The following TMEM132D variants were observed in gnomAD, a reference collection of about 807,000 sequenced individuals.
TMEM132D encodes the protein mature OL transmembrane protein.
Under a neutral mutation model 62.3 loss-of-function variants are expected in TMEM132D, and 21 were observed. The observed-to-expected ratio is 0.34, with a 90% CI of 0.24 to 0.49. The LOEUF (loss-of-function observed/expected upper bound fraction) is 0.49. Among genes scored for constraint, TMEM132D ranks in the 20% least tolerant of loss-of-function variants. The probability of loss-of-function intolerance (pLI) is 0.99; values close to 1 mark genes in which losing one functional copy is unlikely to be tolerated. For synonymous variants in TMEM132D, 621 were observed against 575.6 expected, an observed-to-expected ratio of 1.08 and a Z score of -1.13; for missense variants, 1,346 against 1,402.8, an observed-to-expected ratio of 0.96 and a Z score of 0.65.
intron 5 of TMEM132D, among the ~76,000 whole-genome samples, chr12:129,127,893 C>T (rs906699407): frequency 3.9e-5 from 6 of 152,264 alleles, no homozygotes; most frequent in Non-Finnish European, 8.8e-5. Flanking sequence ...GGCCGGCACT[C>T]ACCTCTGCGG....
At chr12:129,256,417 A>C (rs1880401086) in intron 4 of TMEM132D, among the ~76,000 whole-genome samples, 1 of 151,340 alleles carries the variant, frequency 6.6e-6, no homozygotes, top group Admixed American at 6.6e-5. Flanking sequence ...TCCAGAGTAA[A>C]ATCCATTTAT....
intron 5 of TMEM132D, among the ~76,000 whole-genome samples, chr12:129,174,436 C>T (rs1877841172): frequency 6.6e-6 from 1 of 152,164 alleles, no homozygotes; most frequent in Admixed American, 6.5e-5. Context: ...GTGTATTATT[C>T]CATGGTGTAT....
intron 4 of TMEM132D, among the ~76,000 whole-genome samples, chr12:129,335,964 G>A (rs555108325): frequency 9.9e-5 from 15 of 152,264 alleles, no homozygotes; most frequent in African/African-American, 3.4e-4. Flanking sequence ...GTGATGGCTG[G>A]CATCCCAGCA....
intron 1 of TMEM132D, among the ~76,000 whole-genome samples, chr12:129,839,404 G>T: frequency 6.7e-6 from 1 of 149,586 alleles, no homozygotes; most frequent in Non-Finnish European, 1.5e-5. Context: ...GGGATTACAG[G>T]TGTGAGCCAC....
intron 3 of TMEM132D, among the ~76,000 whole-genome samples, chr12:129,459,894 T>C (rs189445122): frequency 1.3e-5 from 2 of 152,298 alleles, no homozygotes; most frequent in African/African-American, 4.8e-5. Context: ...TAGGATTTCA[T>C]ATTAAGATTA....
intron 2 of TMEM132D, among the ~76,000 whole-genome samples, chr12:129,595,934 G>T (rs779339048): frequency 6.6e-6 from 1 of 152,152 alleles, no homozygotes; most frequent in African/African-American, 2.4e-5. Flanking sequence ...TTATTGTTTG[G>T]CCATATCCCA....
chr12:129,693,818 G>A (rs1490259473), intron 2 of TMEM132D, among the ~76,000 whole-genome samples: 1 of 152,142 alleles, frequency 6.6e-6, no homozygotes, highest in Non-Finnish European at 1.5e-5. Context: ...GATTTCGGAC[G>A]CTAATGAGAC....
intron 4 of TMEM132D, among the ~76,000 whole-genome samples, chr12:129,260,950 G>A (rs58115585): frequency 0.025 from 3,868 of 152,190 alleles, 166 homozygotes; most frequent in African/African-American, 0.088. Flanking sequence ...CTTTGCAATT[G>A]CAAAATGTGC....
chr12:129,722,823 T>C (rs1465696593), intron 1 of TMEM132D, among the ~76,000 whole-genome samples: 1 of 149,696 alleles, frequency 6.7e-6, no homozygotes, highest in Non-Finnish European at 1.5e-5. Flanking sequence ...CACTGCAACC[T>C]CTGCTTCTCA....
rs1878468035 is a variant in TMEM132D, at chr12:129,193,495, ACCCATAGTATCTTG to A, written c.1443+16011_1443+16024del. Among the ~76,000 whole-genome samples, 4 of 152,228 alleles carry A rather than the reference ACCCATAGTATCTTG, an allele frequency of 2.6e-5. No individual in the cohort carries two copies. The South Asian group carries it at 6.2e-4, about 24-fold the overall frequency. On this transcript the variant is annotated intron_variant, in intron 5 of 8. Transcript: ENST00000422113. ...AGGTGGCACCATTACAAATCCCTTGACCCATAGTATCTTGCCCATCATGCTTTAGAGCATTTTGC... is the reference window on the plus strand; with the variant it reads ...AGGTGGCACCATTACAAATCCCTTGACCCATCATGCTTTAGAGCATTTTGC...
At chr12:129,592,314 T>C (rs1878209857) in intron 2 of TMEM132D, among the ~76,000 whole-genome samples, 1 of 152,212 alleles carries the variant, frequency 6.6e-6, no homozygotes, top group Admixed American at 6.5e-5. Context: ...GACCGAGATG[T>C]AGCAAGAAAA....
chr12:129,303,174 C>A (rs1785149672), intron 4 of TMEM132D, among the ~76,000 whole-genome samples: 1 of 149,282 alleles, frequency 6.7e-6, no homozygotes, highest in Non-Finnish European at 1.5e-5. Flanking sequence ...CTCTGCAGAG[C>A]CTCCACCATC....
At chr12:129,693,349 A>T (rs1427034205) in intron 2 of TMEM132D, among the ~76,000 whole-genome samples, 1 of 152,234 alleles carries the variant, frequency 6.6e-6, no homozygotes, top group Admixed American at 6.5e-5. Flanking sequence ...AAATAAGTAC[A>T]TTATTGAATA....
At chr12:129,340,294 T>C (rs1869426667) in intron 3 of TMEM132D, among the ~76,000 whole-genome samples, 1 of 151,816 alleles carries the variant, frequency 6.6e-6, no homozygotes, top group African/African-American at 2.4e-5. Context: ...AAATATTCTA[T>C]GTTGGGAATT....
At chr12:129,157,843 T>G (rs1394616805) in intron 5 of TMEM132D, among the ~76,000 whole-genome samples, 1 of 152,216 alleles carries the variant, frequency 6.6e-6, no homozygotes, top group Non-Finnish European at 1.5e-5. Flanking sequence ...TCTGCAGCTG[T>G]CAATCCACTT....
chr12:129,084,164 A>C (rs952256664), intron 6 of TMEM132D, among the ~76,000 whole-genome samples: 8 of 152,074 alleles, frequency 5.3e-5, no homozygotes, highest in Non-Finnish European at 1.2e-4. Context: ...CCAGCCACTC[A>C]GTGTGTTTGA....
At chr12:129,654,769 G>A (rs1316049530) in intron 2 of TMEM132D, among the ~76,000 whole-genome samples, 1 of 152,092 alleles carries the variant, frequency 6.6e-6, no homozygotes, top group Admixed American at 6.5e-5. Flanking sequence ...ACTCTCAAGA[G>A]CTAGTCAAAG....
intron 5 of TMEM132D, among the ~76,000 whole-genome samples, chr12:129,103,588 C>T (rs1875387212): frequency 6.6e-6 from 1 of 152,214 alleles, no homozygotes; most frequent in South Asian, 2.1e-4. Context: ...TCCAGAGTGT[C>T]ACCCAGGCCT....
chr12:129,897,711 GA>G (rs1321242540), intron 1 of TMEM132D, among the ~76,000 whole-genome samples: 1 of 152,062 alleles, frequency 6.6e-6, no homozygotes, highest in Non-Finnish European at 1.5e-5. Flanking sequence ...ATTGCTGCTG[GA>G]AAAAATAATG....
Sources: allele counts gnomAD v4.1 joint callset (sites outside exome capture counted in the v4.1 genomes callset), GRCh38; gene constraint gnomAD v4.1.1; transcripts MANE v1.5; gene names NCBI Gene and HGNC (gene_info 2026-07-23, HGNC 2026-07-21).